Variants in ATRN observed in about 807,000 individuals in gnomAD.
The protein encoded by ATRN is attractin, also known as attractin-2.
In ATRN, 54 loss-of-function variants were observed where a neutral mutation model predicts 178.7. The observed-to-expected ratio is 0.30, with a 90% CI of 0.24 to 0.38. The LOEUF is 0.38. Among genes scored for constraint, ATRN ranks in the 10% least tolerant of loss-of-function variants. The pLI, the probability that ATRN is intolerant of heterozygous loss-of-function variation, is 1.00. For synonymous variants in ATRN, 636 were observed against 663.0 expected (o/e 0.96, Z 0.63); for missense variants, 1,443 against 1,815.1 (o/e 0.79, Z 3.73).
intron 1 of ATRN, among the ~76,000 whole-genome samples, chr20:3,496,348 T>C (rs1383436576): frequency 6.6e-6 from 1 of 151,528 alleles, no homozygotes; most frequent in Non-Finnish European, 1.5e-5. Flanking sequence ...TCTGGTATGT[T>C]GTGTCTTTGT....
intron 1 of ATRN, among the ~76,000 whole-genome samples, chr20:3,526,060 CAA>C (rs2085360308): frequency 6.6e-6 from 1 of 152,056 alleles, no homozygotes; most frequent in Non-Finnish European, 1.5e-5. Flanking sequence ...GGCAATCAGA[CAA>C]GAGAAAGAAA....
intron 1 of ATRN, among the ~76,000 whole-genome samples, chr20:3,485,237 C>T (rs2146077007): frequency 6.6e-6 from 1 of 152,254 alleles, no homozygotes; most frequent in Middle Eastern, 3.4e-3. Flanking sequence ...TGTGTGGATT[C>T]TCCTGTTCCC....
intron 6 of ATRN, among the ~76,000 whole-genome samples, chr20:3,552,805 C>A (rs1487944297): frequency 6.6e-6 from 1 of 152,164 alleles, no homozygotes; most frequent in Non-Finnish European, 1.5e-5. Context: ...ACGGAGGCTG[C>A]CTTCAGCTCC....
At chr20:3,576,530 A>G (rs996379053) in intron 13 of ATRN, among the ~76,000 whole-genome samples, 5 of 152,164 alleles carry the variant, frequency 3.3e-5, no homozygotes, top group African/African-American at 1.2e-4. Flanking sequence ...GAAAAGCACC[A>G]AGTTCAACAT....
rs374246567 is a variant in ATRN at position 3,549,250 on chromosome 20, G to T, written c.1024G>T (p.Ala342Ser). The change falls in exon 6 of 29, where the codon GCA becomes TCA. Residue 342 changes from alanine to serine, a missense_variant. Physicochemically the swap from Ala to Ser is moderately conservative, Grantham distance 99. Coordinates refer to ENST00000262919, the MANE Select transcript of ATRN (RefSeq NM_139321.3). ...EEYSNLKLPR[A>S]SHKAVVNGNI... Reference sequence around the variant, plus strand: ...ATATTCTAACTTAAAGCTCCCCAGAGCATCTCATAAAGCTGTGGTCAATGG... The same window carrying T: ...ATATTCTAACTTAAAGCTCCCCAGATCATCTCATAAAGCTGTGGTCAATGG... 6 of 1,610,654 alleles carry T rather than the reference G, an allele frequency of 3.7e-6. No individual in the cohort carries two copies. The African/African-American group carries it at 8.0e-5, about 22-fold the overall frequency.
Position 3,549,177 on chromosome 20 carries a change from A to G in ATRN, c.951A>G (p.Gly317=). The change falls in exon 6 of 29, where the codon GGA becomes GGG. Residue 317 remains glycine (G), a synonymous_variant. Transcript: ENST00000262919. ...CSCFSDWQGP[G]CSVPVPANQS... ...TCATTATGTTTTTATTAGGTCCTGG[A>G]TGTTCAGTTCCTGTACCAGCTAACC... The G allele has an allele frequency of 6.2e-7, 1 of 1,602,414 alleles. No homozygotes were observed. Among genetic ancestry groups the G allele is most frequent in the African/African-American group, 1.3e-5 (1 of 74,476 alleles).
intron 3 of ATRN, among the ~76,000 whole-genome samples, chr20:3,541,513 A>C (rs990262276): frequency 6.6e-6 from 1 of 152,170 alleles, no homozygotes; most frequent in Non-Finnish European, 1.5e-5. Flanking sequence ...CCTACTGTAC[A>C]CCCTGCTTAT....
chr20:3,618,005 G>T (rs572695351), intron 24 of ATRN, among the ~76,000 whole-genome samples: 10 of 152,288 alleles, frequency 6.6e-5, no homozygotes, highest in African/African-American at 2.2e-4. Flanking sequence ...GGTGCATCAG[G>T]GTCTGAGGGC....
At chr20:3,481,485 C>T (rs1243788146) in intron 1 of ATRN, among the ~76,000 whole-genome samples, 1 of 151,962 alleles carries the variant, frequency 6.6e-6, no homozygotes, top group Non-Finnish European at 1.5e-5. Context: ...GTAGCTAGAA[C>T]TGCAGGTGCG....
intron 23 of ATRN, 80 bp from the exon 24 acceptor site, chr20:3,604,025 A>G (rs2086646367): frequency 3.3e-6 from 4 of 1,216,268 alleles, no homozygotes; most frequent in African/African-American, 1.5e-5. Context: ...TATTGTCCTT[A>G]TTATTAATGA....
intron 1 of ATRN, among the ~76,000 whole-genome samples, chr20:3,502,805 G>A (rs2084982476): frequency 6.6e-6 from 1 of 152,152 alleles, no homozygotes; most frequent in African/African-American, 2.4e-5. Flanking sequence ...ACCAGGGTGG[G>A]CACTGCTTGC....
intron 1 of ATRN, 46 bp downstream of exon 1, chr20:3,471,563 G>T (rs1335414037): frequency 1.5e-6 from 2 of 1,366,976 alleles, no homozygotes; most frequent in Non-Finnish European, 1.9e-6. Flanking sequence ...CCAGAGGCTG[G>T]GGCTGAGGGG....
At chr20:3,561,006 C>A in intron 8 of ATRN, 101 bp downstream of exon 8, 1 of 1,390,458 alleles carries the variant, frequency 7.2e-7, no homozygotes, top group Non-Finnish European at 9.9e-7. Flanking sequence ...AATCTTGATT[C>A]GGTACTTTAT....
At chr20:3,609,718 G>A (rs763246724) in intron 24 of ATRN, among the ~76,000 whole-genome samples, 2 of 114,842 alleles carry the variant, frequency 1.7e-5, no homozygotes, top group African/African-American at 3.0e-5. Flanking sequence ...GTATGTATGT[G>A]TGTGTGTGTG....
At chr20:3,545,418 G>C (rs1044915874) in intron 3 of ATRN, among the ~76,000 whole-genome samples, 5 of 151,396 alleles carry the variant, frequency 3.3e-5, no homozygotes, top group African/African-American at 1.2e-4. Context: ...ATATATGTGT[G>C]GTATTCATCA....
chr20:3,646,865 C>G lies in ATRN; in HGVS notation c.*18C>G. On this transcript the variant is annotated 3_prime_UTR_variant, in exon 29 of 29. Coordinates refer to ENST00000262919, the MANE Select transcript of ATRN (RefSeq NM_139321.3). ...GCATCTGATGCTGGGGCCAGGGACT[C>G]TCCCACGCACGAGCTAGTGAGTGGC... 1 of 1,612,458 alleles carries G rather than the reference C, an allele frequency of 6.2e-7. No homozygotes were observed. The highest frequency in any genetic ancestry group is 8.5e-7 in the Non-Finnish European group (1 of 1,179,402).
chr20:3,633,574 A>C (rs916154669), intron 25 of ATRN, among the ~76,000 whole-genome samples: 3 of 152,228 alleles, frequency 2.0e-5, no homozygotes, highest in Non-Finnish European at 4.4e-5. Flanking sequence ...TAATGAGTAA[A>C]AATGCAGTTA....
intron 6 of ATRN, among the ~76,000 whole-genome samples, chr20:3,556,198 C>T (rs960097338): frequency 1.3e-4 from 20 of 152,100 alleles, no homozygotes; most frequent in Non-Finnish European, 2.8e-4. Flanking sequence ...ACTATAATTG[C>T]AGTCACTGAA....
chr20:3,600,973 A>T lies in ATRN; in HGVS notation c.3592A>T (p.Asn1198Tyr). ...EQNRDLDMFI[N>Y]ASKNFNLNIT... ...AAACAGGGATTTGGACATGTTCATC[A>T]ATGCCTCCAAGAATTTCAACCTCAA... Residue 1198 changes from asparagine to tyrosine, a missense_variant, in exon 23 of 29, where the codon AAT becomes TAT. Physicochemically the swap from Asn to Tyr is moderately radical, Grantham distance 143. Around this residue, in one of 4 missense-constraint regions of ATRN, gnomAD observed 289 missense variants for 440.8 expected, o/e 0.66. Coordinates refer to ENST00000262919, the MANE Select transcript of ATRN (RefSeq NM_139321.3). 1 of 1,613,982 alleles carries T rather than the reference A, an allele frequency of 6.2e-7. No individual in the cohort carries two copies. Among genetic ancestry groups the T allele is most frequent in the Non-Finnish European group, 8.5e-7 (1 of 1,179,880 alleles).
Sources: gnomAD v4.1 joint callset for allele counts (sites outside exome capture counted in the v4.1 genomes callset) on GRCh38, gnomAD v4.1.1 for gene constraint, gnomAD v4.1.1 regional missense constraint, MANE v1.5 for transcripts, NCBI Gene and HGNC (gene_info 2026-07-23, HGNC 2026-07-21) for gene names.